Variants in AVPR2 observed in about 807,000 individuals in gnomAD.
AVPR2 encodes the protein arginine vasopressin receptor 2, also known as vasopressin V2 receptor.
Under a neutral mutation model 12.0 loss-of-function variants are expected in AVPR2, and 3 were observed. The observed-to-expected ratio is 0.25, with a 90% CI of 0.11 to 0.64. The LOEUF (loss-of-function observed/expected upper bound fraction) is 0.64, where lower values mean the gene tolerates loss of function less well. Ranked by LOEUF, AVPR2 falls within the 30% of genes least tolerant of loss-of-function variation. AVPR2 has a pLI of 0.84. For synonymous variants in AVPR2, 143 were observed against 147.5 expected (o/e 0.97, Z 0.22); for missense variants, 279 against 347.9 (o/e 0.80, Z 1.58).
Position 153,905,521 on chromosome X carries a change from C to T in AVPR2, c.26-11C>T. 1 of 1,180,219 alleles carries T rather than the reference C, an allele frequency of 8.5e-7. No individual in the cohort carries two copies. The highest frequency in any genetic ancestry group is 1.9e-5 in the South Asian group (1 of 54,014). On this transcript the variant is annotated splice_polypyrimidine_tract_variant and intron_variant, in intron 2 of 3. Transcript: ENST00000646375. ...CTCTCTAACCAGGCCCTCTTCCCGACTCCTTCCCAGCTGTGCCTGGGCATC... is the reference window on the plus strand; with the variant it reads ...CTCTCTAACCAGGCCCTCTTCCCGATTCCTTCCCAGCTGTGCCTGGGCATC...
At chrX:153,902,904 T>C (rs1235757424), upstream of AVPR2, 1 of 271,423 alleles carries the variant, frequency 3.7e-6, no homozygotes, top group East Asian at 1.0e-4. Context: ...TTAGCATGGA[T>C]TCCTCGCCCT....
At chrX:153,904,078 G>A (rs1557099966), upstream of AVPR2, among the ~76,000 whole-genome samples, 1 of 112,561 alleles carries the variant, frequency 8.9e-6, no homozygotes, top group African/African-American at 3.2e-5. Context: ...GTGGTGGGAG[G>A]GAGCCCGTGA....
chrX:153,906,176 T>A lies in AVPR2; in HGVS notation c.670T>A (p.Cys224Ser). 8.2e-7 allele frequency: 1 copy of A among 1,212,343 alleles called. No homozygotes were observed. Among genetic ancestry groups the A allele is most frequent in the Non-Finnish European group, 1.1e-6 (1 of 895,595 alleles). ...GGCACCTACCCTGGGTATCGCCGCC[T>A]GCCAGGTGCTCATCTTCCGGGAGAT... is the stretch of plus-strand genomic sequence containing the variant. ...FVAPTLGIAA[C>S]QVLIFREIHA... Residue 224 changes from cysteine (C) to serine (S), a missense_variant, in exon 3 of 4, where the codon TGC (cysteine) becomes AGC (serine). Cys to Ser is a moderately radical substitution (Grantham distance 112, BLOSUM62 -1). Coordinates refer to ENST00000646375, the MANE Select transcript of AVPR2 (RefSeq NM_000054.7).
chrX:153,906,207 C>G lies in AVPR2; in HGVS notation c.701C>G (p.Ala234Gly). ...GTGCTCATCTTCCGGGAGATTCATG[C>G]CAGTCTGGTGCCAGGGCCATCAGAG... ...CQVLIFREIH[A>G]SLVPGPSERP... is the part of the protein sequence containing the mutation. Residue 234 changes from alanine to glycine, a missense_variant, in exon 3 of 4, where the codon GCC (alanine) becomes GGC (glycine). Coordinates refer to ENST00000646375, the MANE Select transcript of AVPR2 (RefSeq NM_000054.7). 1.6e-6 allele frequency: 2 copies of G among 1,212,351 alleles called. No homozygotes were observed. Among genetic ancestry groups the G allele is most frequent in the South Asian group, 3.5e-5 (2 of 57,047 alleles).
upstream of AVPR2, among the ~76,000 whole-genome samples, chrX:153,903,872 G>A (rs1328153006): frequency 9.5e-6 from 1 of 104,785 alleles, no homozygotes; most frequent in African/African-American, 3.5e-5. Context: ...GGTGCGGGGG[G>A]AGTGGAAAGA....
At position 153,906,290 on chromosome X, in the gene AVPR2, G is replaced by A. The variant is rs1557100878; in HGVS notation, c.784G>A (p.Val262Met). 1.1e-5 allele frequency: 13 copies of A among 1,212,361 alleles called. No individual in the cohort carries two copies. Among genetic ancestry groups the A allele is most frequent in the Admixed American group, 2.2e-5 (1 of 46,150 alleles). Residue 262 changes from valine to methionine, a missense_variant, in exon 3 of 4, where the codon GTG becomes ATG. By Grantham distance (21) the Val-to-Met change is conservative (BLOSUM62 1). Coordinates refer to ENST00000646375, the MANE Select transcript of AVPR2 (RefSeq NM_000054.7). ...RTGSPGEGAH[V>M]SAAVAKTVRM... ...AGGCAGCCCCGGTGAGGGAGCCCAC[G>A]TGTCAGCAGCTGTGGCCAAGACTGT...
upstream of AVPR2, among the ~76,000 whole-genome samples, chrX:153,904,085 G>A (rs1375482969): frequency 3.6e-5 from 4 of 112,648 alleles, no homozygotes; most frequent in East Asian, 5.6e-4. Flanking sequence ...GAGGGAGCCC[G>A]TGAGCACACG....
chrX:153,905,329 C>CTGGGGT (rs1380013577), intron 2 of AVPR2, among the ~76,000 whole-genome samples, 159 bp downstream of exon 2: 1 of 112,371 alleles, frequency 8.9e-6, no homozygotes, highest in Non-Finnish European at 1.9e-5. Flanking sequence ...CCCGCCAGGG[C>CTGGGGT]TGGGGCTGGG....
intron 3 of AVPR2, 28 bp downstream of exon 3, chrX:153,906,444 G>T: frequency 8.3e-7 from 1 of 1,201,743 alleles, no homozygotes; most frequent in Admixed American, 2.2e-5. Flanking sequence ...TAGGGCTGAC[G>T]GGGCCACTTG....
At chrX:153,905,359 T>C (rs2064954923) in intron 2 of AVPR2, among the ~76,000 whole-genome samples, 173 bp from the exon 3 acceptor site, 1 of 112,815 alleles carries the variant, frequency 8.9e-6, no homozygotes, top group Non-Finnish European at 1.9e-5. Context: ...GGGGCTGCCC[T>C]TCCTTCTGGA....
intron 2 of AVPR2, 133 bp from the exon 3 acceptor site, chrX:153,905,399 T>G: frequency 1.2e-6 from 1 of 834,037 alleles, no homozygotes. Flanking sequence ...GTATCCCTCA[T>G]AACATGGCTT....
At chrX:153,902,967 C>T (rs2064941176), upstream of AVPR2, 2 of 247,867 alleles carry the variant, frequency 8.1e-6, no homozygotes, top group Non-Finnish European at 1.5e-5. Context: ...TGCCAGTCCC[C>T]ACCCCTGCCC....
chrX:153,905,914 C>T lies in AVPR2; in HGVS notation c.408C>T (p.Asp136=). The T allele has an allele frequency of 8.3e-7, 1 of 1,203,856 alleles. No individual in the cohort carries two copies. Among genetic ancestry groups the T allele is most frequent in the Non-Finnish European group, 1.1e-6 (1 of 895,634 alleles). The stretch of plus-strand genomic sequence containing the variant: ...ACATGATCCTGGCCATGACGCTGGA[C>T]CGCCACCGTGCCATCTGCCGTCCCA... ...SSYMILAMTL[D]RHRAICRPML... The change falls in exon 3 of 4, where the codon GAC becomes GAT. Residue 136 remains aspartate (D), a synonymous_variant. Coordinates refer to ENST00000646375, the MANE Select transcript of AVPR2 (RefSeq NM_000054.7).
At chrX:153,903,720 C>G (rs1294774875), upstream of AVPR2, among the ~76,000 whole-genome samples, 1 of 109,490 alleles carries the variant, frequency 9.1e-6, no homozygotes, top group Admixed American at 9.7e-5. Flanking sequence ...GCCTTGGCCG[C>G]GGGCCGGACT....
At position 153,905,518 on chromosome X, in the gene AVPR2, C is replaced by T. The variant is rs781795563; in HGVS notation, c.26-14C>T. On this transcript the variant is annotated splice_polypyrimidine_tract_variant and intron_variant, in intron 2 of 3. Transcript: ENST00000646375. ...ACCCTCTCTAACCAGGCCCTCTTCC[C>T]GACTCCTTCCCAGCTGTGCCTGGGC... 25 of 1,174,932 alleles carry T rather than the reference C, an allele frequency of 2.1e-5. No individual in the cohort carries two copies. Among genetic ancestry groups the T allele is most frequent in the East Asian group, 1.3e-4 (4 of 31,624 alleles).
Position 153,906,420 on chromosome X carries a change from G to A in AVPR2, c.910+4G>A. On this transcript the variant is annotated splice_donor_region_variant and intron_variant, in intron 3 of 3. Coordinates refer to ENST00000646375, the MANE Select transcript of AVPR2 (RefSeq NM_000054.7). ...GACCCGGAGGCACCTCTGGAAGGTG[G>A]GTGTAGCCGTGGCTAGGGCTGACGG... The A allele has an allele frequency of 8.3e-7, 1 of 1,205,664 alleles. No individual in the cohort carries two copies. The highest frequency in any genetic ancestry group is 1.7e-5 in the African/African-American group (1 of 57,889).
In AVPR2 at chrX:153,905,216, C is replaced by T. The variant is rs782329714; in HGVS notation, c.25+46C>T. 1.9e-5 allele frequency: 23 copies of T among 1,203,126 alleles called. No individual in the cohort carries two copies. In the South Asian group the frequency reaches 2.5e-4, roughly 13 times the overall value. On this transcript the variant is annotated intron_variant, in intron 2 of 3. Transcript: ENST00000646375. ...AGTCCGGTGGGCAGAGTGGGTTTGA[C>T]GATTCAGGGAAGCCCCTCTTTCTAA...
At chrX:153,904,937 G>A (rs551628248) in intron 1 of AVPR2, 37 bp from the exon 2 acceptor site, 21 of 521,939 alleles carry the variant, frequency 4.0e-5, no homozygotes, top group African/African-American at 2.6e-4. Context: ...CTGTGCATCC[G>A]TCTGTCTGAC....
chrX:153,906,441 G>T lies in AVPR2; in HGVS notation c.910+25G>T, dbSNP rs370179672. On this transcript the variant is annotated intron_variant, in intron 3 of 3. Transcript: ENST00000646375. Reference sequence around the variant, plus strand: ...GGTGGGTGTAGCCGTGGCTAGGGCTGACGGGGCCACTTGGGCTTGGCCGCA... The same window carrying T: ...GGTGGGTGTAGCCGTGGCTAGGGCTTACGGGGCCACTTGGGCTTGGCCGCA... 425 of 1,201,648 alleles carry T rather than the reference G, an allele frequency of 3.5e-4. 2 individuals carry two copies. Among genetic ancestry groups the T allele is most frequent in the Admixed American group, 1.2e-3 (55 of 45,438 alleles).
Sources: gnomAD v4.1 joint callset for allele counts (sites outside exome capture counted in the v4.1 genomes callset) on GRCh38, gnomAD v4.1.1 for gene constraint, MANE v1.5 for transcripts, NCBI Gene and HGNC (gene_info 2026-07-23, HGNC 2026-07-21) for gene names.